C9orf153: variants seen among roughly 807,000 people sequenced by gnomAD.
C9orf153 encodes uncharacterized protein C9orf153.
Under a neutral mutation model 9.0 loss-of-function variants are expected in C9orf153, and 10 were observed. The ratio of observed to expected loss-of-function variants is 1.11; its 90% CI spans 0.69 to 1.89. The LOEUF (loss-of-function observed/expected upper bound fraction) is 1.89. Ranked by LOEUF, C9orf153 falls within the 40% of genes most tolerant of loss-of-function variation. The pLI is 0.00. For missense variants in C9orf153, 108 were observed against 111.0 expected (o/e 0.97, Z 0.12); for synonymous variants, 35 against 37.3 (o/e 0.94, Z 0.23).
Position 86,251,627 on chromosome 9 carries a change from GT to G in C9orf153, c.-27+7922del, listed in dbSNP as rs551215864. Among the ~76,000 whole-genome samples, 202 of 151,506 alleles carry G rather than the reference GT, an allele frequency of 1.3e-3. 1 individual carries two copies. The highest frequency in any genetic ancestry group is 3.1e-3 in the Admixed American group (47 of 15,206). On this transcript the variant is annotated intron_variant, in intron 1 of 3. Coordinates refer to ENST00000339137, the MANE Select transcript of C9orf153 (RefSeq NM_001276366.4). The stretch of plus-strand genomic sequence containing the variant: ...TTTTGTCAGTTTAGAGGTTTTGAAA[GT>G]TTTTTTTAATTAAAGGAATAAAAAA...
intron 3 of C9orf153, chr9:86,227,223 T>G (rs1824356467): frequency 8.6e-7 from 1 of 1,167,278 alleles, no homozygotes. Flanking sequence ...CATAGTTCAC[T>G]GCCACCTCAA....
At chr9:86,247,246 G>T (rs892612188) in intron 1 of C9orf153, among the ~76,000 whole-genome samples, 2 of 152,154 alleles carry the variant, frequency 1.3e-5, no homozygotes, top group African/African-American at 4.8e-5. Context: ...ACTCTTTGGG[G>T]TACAGTGAAT....
At chr9:86,232,274 CAG>C (rs1460492037) in intron 1 of C9orf153, among the ~76,000 whole-genome samples, 16 of 152,210 alleles carry the variant, frequency 1.1e-4, no homozygotes, top group Non-Finnish European at 2.4e-4. Context: ...AATGCTGAAA[CAG>C]ATCACTAGCC....
At chr9:86,223,523 T>C (rs1231387430) in intron 3 of C9orf153, among the ~76,000 whole-genome samples, 1 of 152,020 alleles carries the variant, frequency 6.6e-6, no homozygotes, top group Non-Finnish European at 1.5e-5. Context: ...ACACTTTAGG[T>C]TGGCTTACTC....
At chr9:86,253,288 G>A (rs1049296830) in intron 1 of C9orf153, among the ~76,000 whole-genome samples, 5 of 152,136 alleles carry the variant, frequency 3.3e-5, no homozygotes, top group African/African-American at 1.2e-4. Flanking sequence ...AAAGCCCTTT[G>A]GAAAGACTGG....
At chr9:86,254,443 A>G (rs1319041674) in intron 1 of C9orf153, among the ~76,000 whole-genome samples, 3 of 152,210 alleles carry the variant, frequency 2.0e-5, no homozygotes, top group African/African-American at 7.2e-5. Flanking sequence ...AAAAATCACC[A>G]CAGCAACTTA....
At chr9:86,248,007 G>A (rs1461903144) in intron 1 of C9orf153, among the ~76,000 whole-genome samples, 1 of 152,190 alleles carries the variant, frequency 6.6e-6, no homozygotes, top group African/African-American at 2.4e-5. Context: ...ACCCTTTGTG[G>A]GAGGGTCCCT....
chr9:86,240,707 CTTTTTTTTTTTTTTT>C (rs367674249), intron 1 of C9orf153, among the ~76,000 whole-genome samples: 1 of 117,012 alleles, frequency 8.5e-6, no homozygotes, highest in African/African-American at 3.0e-5. Flanking sequence ...TTTTCTTTTT[CTTTTTTTTTTTTTTT>C]TTTTGAGATG....
In C9orf153 at chr9:86,256,791, A is replaced by G. The variant is rs558213380; in HGVS notation, c.-27+2759T>C. Among the ~76,000 whole-genome samples the G allele has an allele frequency of 5.3e-5, 8 of 152,334 alleles. No homozygotes were observed. The East Asian group carries it at 1.3e-3, about 26-fold the overall frequency. On this transcript the variant is annotated intron_variant, in intron 1 of 3. Coordinates refer to ENST00000339137, the MANE Select transcript of C9orf153 (RefSeq NM_001276366.4). Reference sequence around the variant, plus strand: ...TTACCTAAAATGCTATGAGTTGCACAATGTGACCCTCACCCATATCTTCAT... The same window carrying G: ...TTACCTAAAATGCTATGAGTTGCACGATGTGACCCTCACCCATATCTTCAT...
At chr9:86,251,942 C>CACACACACACACGA (rs367793280) in intron 1 of C9orf153, among the ~76,000 whole-genome samples, 57 of 149,744 alleles carry the variant, frequency 3.8e-4, no homozygotes, top group African/African-American at 1.1e-3. Context: ...CACACACACA[C>CACACACACACACGA]GAGAGAGAGA....
At chr9:86,249,413 T>C (rs1824943755) in intron 1 of C9orf153, among the ~76,000 whole-genome samples, 1 of 152,224 alleles carries the variant, frequency 6.6e-6, no homozygotes, top group African/African-American at 2.4e-5. Context: ...GAACAAAGCA[T>C]TGTTGTGTCT....
At chr9:86,226,464 G>A (rs1056783468) in intron 3 of C9orf153, among the ~76,000 whole-genome samples, 2 of 151,906 alleles carry the variant, frequency 1.3e-5, no homozygotes, top group African/African-American at 4.8e-5. Context: ...TGGGACTACC[G>A]GTGCATGCTA....
At chr9:86,245,927 G>A (rs1191849368) in intron 1 of C9orf153, among the ~76,000 whole-genome samples, 1 of 152,218 alleles carries the variant, frequency 6.6e-6, no homozygotes, top group Non-Finnish European at 1.5e-5. Flanking sequence ...GAATCCTGAT[G>A]ATACTTGGGC....
At chr9:86,249,963 C>T (rs2131203702) in intron 1 of C9orf153, among the ~76,000 whole-genome samples, 1 of 152,230 alleles carries the variant, frequency 6.6e-6, no homozygotes, top group Non-Finnish European at 1.5e-5. Flanking sequence ...ATAGTGATTA[C>T]CCTACCACTC....
intron 1 of C9orf153, among the ~76,000 whole-genome samples, chr9:86,232,229 G>A (rs929712081): frequency 5.3e-5 from 8 of 152,198 alleles, no homozygotes; most frequent in Non-Finnish European, 1.0e-4. Context: ...CTACCGTTGG[G>A]TGCATTTCCC....
Position 86,221,633 on chromosome 9 carries a change from G to A in C9orf153, c.*55C>T. ...TCTCTACAAATCTCTTCTCAGTGTT[G>A]TATTTTATGTCTCCGAATGAAATTG... On this transcript the variant is annotated 3_prime_UTR_variant, in exon 4 of 4. Transcript: ENST00000339137. 1.3e-6 allele frequency: 2 copies of A among 1,540,992 alleles called. No homozygotes were observed. Among genetic ancestry groups the A allele is most frequent in the Non-Finnish European group, 1.8e-6 (2 of 1,142,702 alleles).
chr9:86,240,684 G>T lies in C9orf153; in HGVS notation c.-26-11055C>A, dbSNP rs372429362. 5.0e-3 allele frequency among the ~76,000 whole-genome samples: 706 copies of T among 142,514 alleles called. 10 individuals are homozygous for T. The highest frequency in any genetic ancestry group is 0.017 in the African/African-American group (666 of 38,164). 93.5% of individuals were successfully genotyped at this position (142,514 alleles called of 152,430 possible). A position where few individuals can be genotyped will look rare whatever the true frequency, so the allele number is the denominator to read the frequency against. On this transcript the variant is annotated intron_variant, in intron 1 of 3. Coordinates refer to ENST00000339137, the MANE Select transcript of C9orf153 (RefSeq NM_001276366.4). Reference sequence around the variant, plus strand: ...TGAGCCACCGCAACCGCACTAATTTGCTTTTCTTTTCTTTTTCTTTTTCTT... The same window carrying T: ...TGAGCCACCGCAACCGCACTAATTTTCTTTTCTTTTCTTTTTCTTTTTCTT...
At chr9:86,232,391 C>T (rs1408569839) in intron 1 of C9orf153, among the ~76,000 whole-genome samples, 1 of 152,176 alleles carries the variant, frequency 6.6e-6, no homozygotes, top group Non-Finnish European at 1.5e-5. Flanking sequence ...CCCTTTGACC[C>T]AATCTCTCAT....
intron 1 of C9orf153, chr9:86,258,600 G>T (rs1825177802): frequency 6.6e-6 from 1 of 152,118 alleles, no homozygotes; most frequent in Non-Finnish European, 1.5e-5. Flanking sequence ...ATTAACCCTG[G>T]CCATCAGTGG....
Sources: gnomAD v4.1 joint callset for allele counts (sites outside exome capture counted in the v4.1 genomes callset) on GRCh38, gnomAD v4.1.1 for gene constraint, MANE v1.5 for transcripts, NCBI Gene and HGNC (gene_info 2026-07-23, HGNC 2026-07-21) for gene names.